SPTBN5: variants seen among roughly 807,000 people sequenced by gnomAD.
SPTBN5 encodes the protein spectrin beta chain, non-erythrocytic 5.
A neutral mutation model predicts 477.6 loss-of-function variants in SPTBN5; 513 were observed. That is an observed-to-expected ratio of 1.07 (90% CI 1.00 to 1.16). The LOEUF (loss-of-function observed/expected upper bound fraction) is 1.16. SPTBN5 is among the 50% of genes most tolerant of loss of function. SPTBN5 has a pLI of 0.00. For missense variants in SPTBN5, 5,062 were observed against 4,731.8 expected (o/e 1.07, Z -2.05); for synonymous variants, 2,169 against 2,011.7 (o/e 1.08, Z -2.09).
At chr15:41,875,695 C>T in intron 21 of SPTBN5, 73 bp from the exon 22 acceptor site, 1 of 1,469,786 alleles carries the variant, frequency 6.8e-7, no homozygotes, top group Non-Finnish European at 9.1e-7. Flanking sequence ...CAGGCTGGAC[C>T]TGGGTGGCAG....
At chr15:41,880,993 C>T (rs1567223944) in intron 13 of SPTBN5, 41 bp downstream of exon 13, 1 of 1,525,492 alleles carries the variant, frequency 6.6e-7, no homozygotes, top group Non-Finnish European at 8.9e-7. Flanking sequence ...GCTGCTGGCA[C>T]AGAGTAAGGA....
In SPTBN5 at chr15:41,876,535, C is replaced by T; in HGVS notation, c.3951+13G>A. On this transcript the variant is annotated intron_variant, in intron 20 of 67. Transcript: ENST00000320955. ...TCAGGGAGGCGTCATGCGACCTGGG[C>T]CCAGACCCTCACCTGGAGCTGGAGG... 1 of 1,580,116 alleles carries T rather than the reference C, an allele frequency of 6.3e-7. No individual in the cohort carries two copies. Among genetic ancestry groups the T allele is most frequent in the Non-Finnish European group, 8.6e-7 (1 of 1,162,912 alleles).
chr15:41,886,067 C>T lies in SPTBN5; in HGVS notation c.1188G>A (p.Leu396=), dbSNP rs750604159. Residue 396 remains leucine, a synonymous_variant, in exon 7 of 68, where the codon CTG becomes CTA. Transcript: ENST00000320955. ...ACTCCAGCCCTGCCCAGCACTGGGA[C>T]AGCTCTGCAAGGCCCAGGCCCTCAT... ...LPHEGLGLAE[L]SQCWAGLEWA... 2.5e-6 allele frequency: 4 copies of T among 1,594,894 alleles called. No homozygotes were observed. Among genetic ancestry groups the T allele is most frequent in the African/African-American group, 1.3e-5 (1 of 74,580 alleles).
At position 41,866,970 on chromosome 15, in the gene SPTBN5, C is replaced by A. The variant is rs1381387830; in HGVS notation, c.6469G>T (p.Ala2157Ser). The A allele has an allele frequency of 8.9e-6, 14 of 1,574,450 alleles. No homozygotes were observed. The highest frequency in any genetic ancestry group is 1.1e-5 in the Non-Finnish European group (13 of 1,160,542). Residue 2157 changes from alanine to serine, a missense_variant, in exon 36 of 68, where the codon GCC (alanine) becomes TCC (serine). Physicochemically the swap from Ala to Ser is moderately conservative, Grantham distance 99. Transcript: ENST00000320955. ...ASLLMASFTQ[A>S]ATQAEDWIQA... ...GGGTGCCCTCTGACCTGGGTTGCGG[C>A]CTGGGTGAAGCTGGCCATCAGCAGG...
chr15:41,854,039 G>A lies in SPTBN5; in HGVS notation c.9774+11C>T, dbSNP rs1179246975. ...GGCTCAGACAGGCAGGCTGCAGGGC[G>A]TGGGCCTCACCTCCAGGCGCCTGTG... On this transcript the variant is annotated intron_variant, in intron 57 of 67. Coordinates refer to ENST00000320955, the MANE Select transcript of SPTBN5 (RefSeq NM_016642.4). 1.0e-5 allele frequency: 16 copies of A among 1,553,824 alleles called. No homozygotes were observed. The highest frequency in any genetic ancestry group is 2.4e-5 in the East Asian group (1 of 42,032).
intron 41 of SPTBN5, 44 bp downstream of exon 41, chr15:41,863,660 G>T: frequency 6.6e-7 from 1 of 1,503,794 alleles, no homozygotes; most frequent in Non-Finnish European, 9.2e-7. Context: ...TCCCCTGACT[G>T]CATTTGCTCA....
In SPTBN5 at chr15:41,870,465, T is replaced by G; in HGVS notation, c.5543A>C (p.Glu1848Ala). 6.2e-7 allele frequency: 1 copy of G among 1,613,324 alleles called. No homozygotes were observed. The highest frequency in any genetic ancestry group is 1.3e-5 in the African/African-American group (1 of 74,818). ...TTLRVHRDLL[E>A]VLTQVQEKAT... The stretch of plus-strand genomic sequence containing the variant: ...TCACACCTGGACCTGGGTGAGGACT[T>G]CCAAGAGATCTCTGTGAACTCTGAG... Residue 1848 changes from glutamate to alanine, a missense_variant, in exon 30 of 68, where the codon GAA becomes GCA. Transcript: ENST00000320955.
At chr15:41,876,709 G>A in intron 19 of SPTBN5, 62 bp from the exon 20 acceptor site, 7 of 1,586,812 alleles carry the variant, frequency 4.4e-6, no homozygotes, top group Admixed American at 1.7e-5. Flanking sequence ...AGCACGAGGT[G>A]CACTCTCCCC....
At chr15:41,855,451 T>G (rs758690775) in intron 54 of SPTBN5, 23 bp from the exon 55 acceptor site, 42 of 1,595,642 alleles carry the variant, frequency 2.6e-5, no homozygotes, top group Non-Finnish European at 3.6e-5. Context: ...AGCGACAGTC[T>G]GGACTGCAGC....
At chr15:41,858,578 A>C (rs1595452246) in intron 49 of SPTBN5, 24 bp downstream of exon 49, 1 of 1,602,956 alleles carries the variant, frequency 6.2e-7, no homozygotes, top group Non-Finnish European at 8.5e-7. Flanking sequence ...CTGTCCCACC[A>C]CCCTCCTGCC....
At chr15:41,889,872 G>A (rs1408507273) in intron 4 of SPTBN5, among the ~76,000 whole-genome samples, 1 of 152,216 alleles carries the variant, frequency 6.6e-6, no homozygotes, top group Non-Finnish European at 1.5e-5. Context: ...GAAGCCCATG[G>A]CCCTGGCCCT....
At chr15:41,880,579 A>C (rs920529002) in intron 13 of SPTBN5, among the ~76,000 whole-genome samples, 1 of 152,128 alleles carries the variant, frequency 6.6e-6, no homozygotes, top group African/African-American at 2.4e-5. Flanking sequence ...GAAACCTCTC[A>C]GTGCCAGCCC....
intron 23 of SPTBN5, 38 bp from the exon 24 acceptor site, chr15:41,874,516 A>G: frequency 6.6e-7 from 1 of 1,522,098 alleles, no homozygotes; most frequent in Non-Finnish European, 8.9e-7. Context: ...GGTTGGGAAC[A>G]GAGTGAGCAC....
intron 34 of SPTBN5, 136 bp downstream of exon 34, chr15:41,867,933 C>T (rs953259164): frequency 3.7e-5 from 46 of 1,240,904 alleles, no homozygotes; most frequent in Non-Finnish European, 4.3e-5. Context: ...ACCATGGCCA[C>T]CTGGAAGGAC....
At chr15:41,883,852 G>A (rs555708506) in intron 7 of SPTBN5, among the ~76,000 whole-genome samples, 2 of 152,198 alleles carry the variant, frequency 1.3e-5, no homozygotes, top group South Asian at 4.2e-4. Context: ...ATGCAGTGGT[G>A]CAATCTTGGC....
At chr15:41,859,060 G>A (rs1439665604) in intron 47 of SPTBN5, 80 bp from the exon 48 acceptor site, 17 of 1,109,034 alleles carry the variant, frequency 1.5e-5, no homozygotes, top group Admixed American at 3.2e-5. Flanking sequence ...GCTTTCTCGG[G>A]TATGAATATA....
In SPTBN5 at chr15:41,886,053, G is replaced by C; in HGVS notation, c.1202C>G (p.Ala401Gly). The change falls in exon 7 of 68, where the codon GCA (alanine) becomes GGA (glycine). Residue 401 changes from alanine (A) to glycine (G), a missense_variant. Physicochemically the swap from Ala to Gly is moderately conservative, Grantham distance 60. Transcript: ENST00000320955. Reference protein sequence around the residue: ...LGLAELSQCWAGLEWAEAARS... With the variant: ...LGLAELSQCWGGLEWAEAARS... ...TGCAGCCTCTGCCCACTCCAGCCCT[G>C]CCCAGCACTGGGACAGCTCTGCAAG... The C allele has an allele frequency of 6.3e-7, 1 of 1,586,516 alleles. No homozygotes were observed. Among genetic ancestry groups the C allele is most frequent in the Non-Finnish European group, 8.6e-7 (1 of 1,164,872 alleles).
rs772046830 is a variant in SPTBN5 at position 41,874,014 on chromosome 15, C to G, written c.4721G>C (p.Gly1574Ala). ...AGAACTCAGCACCCGTTGCACCTGC[C>G]CCTGGTGAGCTTTTACCTCCACCTG... ...ELQVEVKAHQ[G>A]QVQRVLSSGR... The change falls in exon 25 of 68, where the codon GGG (glycine) becomes GCG (alanine). Residue 1574 changes from glycine to alanine, a missense_variant. Transcript: ENST00000320955. 1 of 1,601,012 alleles carries G rather than the reference C, an allele frequency of 6.2e-7. No individual in the cohort carries two copies. The highest frequency in any genetic ancestry group is 8.5e-7 in the Non-Finnish European group (1 of 1,179,300).
chr15:41,884,461 C>G (rs2067083986), intron 7 of SPTBN5, among the ~76,000 whole-genome samples: 1 of 152,168 alleles, frequency 6.6e-6, no homozygotes, highest in African/African-American at 2.4e-5. Context: ...CACATCTGAT[C>G]TGTCTGCAAA....
Sources: gnomAD v4.1 joint callset for allele counts (sites outside exome capture counted in the v4.1 genomes callset) on GRCh38, gnomAD v4.1.1 for gene constraint, MANE v1.5 for transcripts, NCBI Gene and HGNC (gene_info 2026-07-23, HGNC 2026-07-21) for gene names.